The following DHX37 variants were observed in gnomAD, a reference collection of about 807,000 sequenced individuals.
DHX37 encodes DEAH-box helicase 37, also known as probable ATP-dependent RNA helicase DHX37.
DHX37 carries 52 observed loss-of-function variants against 134.3 expected under a neutral mutation model. The observed-to-expected ratio is 0.39, with a 90% CI of 0.31 to 0.49. The LOEUF (loss-of-function observed/expected upper bound fraction) is 0.49. DHX37 is among the 20% of genes least tolerant of loss of function. DHX37 has a pLI of 0.93. For synonymous variants in DHX37, 634 were observed against 670.7 expected, an observed-to-expected ratio of 0.95 and a Z score of 0.85; for missense variants, 1,344 against 1,580.8, an observed-to-expected ratio of 0.85 and a Z score of 2.54.
chr12:124,984,141 C>T (rs1954817177), intron 2 of DHX37, among the ~76,000 whole-genome samples: 2 of 152,280 alleles, frequency 1.3e-5, no homozygotes, highest in East Asian at 1.9e-4. Flanking sequence ...CCTGGGGCAG[C>T]GGGGGGCGGC....
chr12:124,968,459 G>A lies in DHX37; in HGVS notation c.1408+75C>T, dbSNP rs1252682394. 2.5e-6 allele frequency: 4 copies of A among 1,581,708 alleles called. No individual in the cohort carries two copies. In the African/African-American group the frequency reaches 5.4e-5, roughly 21 times the overall value. ...ACTTTTCTGAGCCACTCGGAGATGG[G>A]CCCTCCCACACTCGTGCTTTCAGCG... On this transcript the variant is annotated intron_variant, in intron 10 of 26. Transcript: ENST00000308736.
chr12:124,985,633 G>A (rs1200244057), intron 2 of DHX37, among the ~76,000 whole-genome samples: 1 of 148,956 alleles, frequency 6.7e-6, no homozygotes, highest in Non-Finnish European at 1.5e-5. Flanking sequence ...TGTAATCCCA[G>A]CTACACAGGA....
chr12:124,981,501 C>T (rs188227655), intron 3 of DHX37, among the ~76,000 whole-genome samples: 2 of 152,152 alleles, frequency 1.3e-5, no homozygotes, highest in Non-Finnish European at 2.9e-5. Flanking sequence ...GTGGTGCAAT[C>T]ACGGCTCACT....
intron 2 of DHX37, among the ~76,000 whole-genome samples, chr12:124,985,880 C>G (rs1954862269): frequency 6.6e-6 from 1 of 150,908 alleles, no homozygotes; most frequent in Non-Finnish European, 1.5e-5. Context: ...TTCTCCGGAA[C>G]AGTTCAGTTC....
intron 15 of DHX37, among the ~76,000 whole-genome samples, chr12:124,961,256 G>GCA (rs771568199): frequency 2.0e-4 from 18 of 90,194 alleles, no homozygotes; most frequent in African/African-American, 5.5e-4. Flanking sequence ...GTGCACGCAC[G>GCA]CACACACATA....
At chr12:124,950,916 G>A in intron 21 of DHX37, 112 bp from the exon 22 acceptor site, 1 of 1,393,734 alleles carries the variant, frequency 7.2e-7, no homozygotes, top group African/African-American at 1.5e-5. Context: ...AAAAGTGGGA[G>A]AGTGCTCCAT....
Position 124,957,012 on chromosome 12 carries a change from G to A in DHX37, c.2264+17C>T. 6.6e-7 allele frequency: 1 copy of A among 1,521,634 alleles called. No individual in the cohort carries two copies. 94.3% of individuals were successfully genotyped at this position (1,521,634 alleles called of 1,614,324 possible). A position where few individuals can be genotyped will look rare whatever the true frequency, so the allele number is the denominator to read the frequency against. ...CTGAACGGGGCAGGAACTGGGCTCT[G>A]CATCTCTTGGCCTTACCTTTCTGCT... On this transcript the variant is annotated intron_variant, in intron 17 of 26. Coordinates refer to ENST00000308736, the MANE Select transcript of DHX37 (RefSeq NM_032656.4).
Position 124,971,339 on chromosome 12 carries a change from A to G in DHX37, c.1154T>C (p.Ile385Thr). Residue 385 changes from isoleucine (I) to threonine (T), a missense_variant, in exon 8 of 27, where the codon ATC becomes ACC. This residue lies in a region of DHX37 where 289 missense variants were observed against 323.8 expected (regional missense o/e 0.89). Transcript: ENST00000308736. ...AGTCACAATGCGGGACAGGAGGCCG[A>G]TGAGGATGTCCGTGTACACGCTCCT... ...HERSVYTDIL[I>T]GLLSRIVTLR... is the part of the protein sequence containing the mutation. The G allele has an allele frequency of 6.2e-7, 1 of 1,613,304 alleles. No homozygotes were observed. Among genetic ancestry groups the G allele is most frequent in the African/African-American group, 1.3e-5 (1 of 75,026 alleles).
At chr12:124,976,300 T>C (rs1954637806) in intron 5 of DHX37, among the ~76,000 whole-genome samples, 1 of 152,202 alleles carries the variant, frequency 6.6e-6, no homozygotes, top group African/African-American at 2.4e-5. Context: ...ACCATAGCCA[T>C]GTGCAGGATA....
At chr12:124,950,923 C>T in intron 21 of DHX37, 119 bp from the exon 22 acceptor site, 1 of 1,369,536 alleles carries the variant, frequency 7.3e-7, no homozygotes, top group Non-Finnish European at 9.5e-7. Context: ...GGAGAGTGCT[C>T]CATCTGCCGG....
chr12:124,960,473 C>T (rs1471721377), intron 15 of DHX37, 50 bp from the exon 16 acceptor site: 1 of 1,603,518 alleles, frequency 6.2e-7, no homozygotes, highest in Non-Finnish European at 8.5e-7. Context: ...CACCAAAAAC[C>T]ACAGATGAAT....
chr12:124,986,232 T>A lies in DHX37; in HGVS notation c.140A>T (p.Asn47Ile). 6.2e-7 allele frequency: 1 copy of A among 1,614,066 alleles called. No individual in the cohort carries two copies. The highest frequency in any genetic ancestry group is 1.1e-5 in the South Asian group (1 of 91,078). The change falls in exon 2 of 27, where the codon AAC becomes ATC. Residue 47 changes from asparagine to isoleucine, a missense_variant. Around this residue, in one of 7 missense-constraint regions of DHX37, gnomAD observed 319 missense variants for 296.1 expected, o/e 1.08. Transcript: ENST00000308736. ...CTTCTTCCCCGGTAGAACGAGCGCG[T>A]TGCTTGCATCAACTCCCTTCAACGT... Reference protein sequence around the residue: ...KDTLKGVDASNALVLPGKKKK... With the variant: ...KDTLKGVDASIALVLPGKKKK...
intron 1 of DHX37, among the ~76,000 whole-genome samples, chr12:124,987,887 AGGCTGCTCAAC>A (rs1475647169): frequency 1.3e-5 from 2 of 152,028 alleles, no homozygotes; most frequent in Non-Finnish European, 2.9e-5. Context: ...TTTTGGATTA[AGGCTGCTCAAC>A]GTGTGCTACT....
intron 6 of DHX37, among the ~76,000 whole-genome samples, chr12:124,974,233 C>T (rs1166322334): frequency 6.6e-6 from 1 of 152,046 alleles, no homozygotes; most frequent in African/African-American, 2.4e-5. Context: ...GGATTACAGG[C>T]GTGAGCCACC....
At chr12:124,983,833 C>T (rs370144205) in intron 2 of DHX37, among the ~76,000 whole-genome samples, 8 of 151,876 alleles carry the variant, frequency 5.3e-5, no homozygotes, top group East Asian at 3.9e-4. Context: ...AAGTCTTCCC[C>T]CTACCAAGGC....
In DHX37 at chr12:124,948,148, G is replaced by A; in HGVS notation, c.3324C>T (p.Ala1108=). Residue 1108 remains alanine (A), a synonymous_variant, in exon 26 of 27, where the codon GCC becomes GCT. Coordinates refer to ENST00000308736, the MANE Select transcript of DHX37 (RefSeq NM_032656.4). ...GGCAGTCAGCCTTCTCTGCAACCAG[G>A]GCTCGCAGAAGGCTCTCCGTACGGG... ...LQPRTESLLR[A]LVAEKADCHE... is the part of the protein sequence containing the mutation. The A allele has an allele frequency of 2.5e-6, 4 of 1,614,224 alleles. No homozygotes were observed. The highest frequency in any genetic ancestry group is 3.4e-6 in the Non-Finnish European group (4 of 1,180,046).
At position 124,965,701 on chromosome 12, in the gene DHX37, C is replaced by G. The variant is rs1481032140; in HGVS notation, c.1702G>C (p.Asp568His). 1 of 1,613,412 alleles carries G rather than the reference C, an allele frequency of 6.2e-7. No individual in the cohort carries two copies. Among genetic ancestry groups the G allele is most frequent in the Admixed American group, 1.7e-5 (1 of 59,954 alleles). The change falls in exon 13 of 27, where the codon GAT becomes CAT. Residue 568 changes from aspartate (D) to histidine (H), a missense_variant. Physicochemically the swap from Asp to His is moderately conservative, Grantham distance 81. Around this residue, in one of 7 missense-constraint regions of DHX37, gnomAD observed 289 missense variants for 323.8 expected, o/e 0.89. Transcript: ENST00000308736. ...EEEGALDSDL[D>H]LDLGDGGQDG... Reference sequence around the variant, plus strand: ...TGCCCGCCATCCCCCAGGTCCAGATCGAGGTCGGAGTCCAGGGCCCCCTCT... The same window carrying G: ...TGCCCGCCATCCCCCAGGTCCAGATGGAGGTCGGAGTCCAGGGCCCCCTCT...
At chr12:124,961,256 GCA>G (rs771568199) in intron 15 of DHX37, among the ~76,000 whole-genome samples, 119 of 90,186 alleles carry the variant, frequency 1.3e-3, no homozygotes, top group Non-Finnish European at 2.0e-3. Flanking sequence ...GTGCACGCAC[GCA>G]CACACATACA....
chr12:124,966,142 G>A (rs960154223), intron 12 of DHX37, among the ~76,000 whole-genome samples: 1 of 152,188 alleles, frequency 6.6e-6, no homozygotes, highest in Non-Finnish European at 1.5e-5. Flanking sequence ...CAAGACCCAC[G>A]GTGCCTTCAC....
Sources: gnomAD v4.1 joint callset for allele counts (sites outside exome capture counted in the v4.1 genomes callset) on GRCh38, gnomAD v4.1.1 for gene constraint, gnomAD v4.1.1 regional missense constraint, MANE v1.5 for transcripts, NCBI Gene and HGNC (gene_info 2026-07-23, HGNC 2026-07-21) for gene names.